The following DLGAP1 variants were observed in gnomAD, a reference collection of about 807,000 sequenced individuals.
DLGAP1 encodes disks large-associated protein 1.
Under a neutral mutation model 90.8 loss-of-function variants are expected in DLGAP1, and 11 were observed. The observed-to-expected ratio is 0.12, with a 90% CI of 0.08 to 0.20. The LOEUF is 0.20. Ranked by LOEUF, DLGAP1 falls within the 10% of genes least tolerant of loss-of-function variation. The probability of loss-of-function intolerance (pLI) is 1.00; values close to 1 mark genes in which losing one functional copy is unlikely to be tolerated. For missense variants in DLGAP1, 1,050 were observed against 1,333.8 expected, an observed-to-expected ratio of 0.79 and a Z score of 3.31; for synonymous variants, 558 against 540.7, an observed-to-expected ratio of 1.03 and a Z score of -0.44.
At chr18:3,684,241 G>A (rs552933325) in intron 7 of DLGAP1, among the ~76,000 whole-genome samples, 1 of 151,510 alleles carries the variant, frequency 6.6e-6, no homozygotes, top group Non-Finnish European at 1.5e-5. Context: ...CCAGGAGGGA[G>A]TGCAGTGGTG....
intron 4 of DLGAP1, 88 bp from the exon 5 acceptor site, chr18:3,814,361 A>ATTTT (rs372490602): frequency 1.0e-4 from 90 of 880,174 alleles, no homozygotes; most frequent in South Asian, 1.2e-4. Context: ...TAACATTTCT[A>ATTTT]TTTTTTTTTT....
intron 3 of DLGAP1, among the ~76,000 whole-genome samples, chr18:3,958,096 G>T (rs2073118563): frequency 1.3e-5 from 2 of 152,000 alleles, no homozygotes; most frequent in South Asian, 2.1e-4. Context: ...GTTTCACTAT[G>T]TTGGCCAGGC....
intron 6 of DLGAP1, among the ~76,000 whole-genome samples, chr18:3,740,859 C>T (rs372404073): frequency 0.022 from 3,305 of 149,450 alleles, 97 homozygotes; most frequent in African/African-American, 0.076. Flanking sequence ...ACCATCACGA[C>T]CACCACCGCC....
intron 3 of DLGAP1, among the ~76,000 whole-genome samples, chr18:3,901,924 C>G (rs2071792778): frequency 6.6e-6 from 1 of 152,166 alleles, no homozygotes. Flanking sequence ...CCGTGGTACT[C>G]TGAGATTTTT....
At chr18:4,029,813 C>A (rs1360870725) in intron 2 of DLGAP1, among the ~76,000 whole-genome samples, 2 of 152,114 alleles carry the variant, frequency 1.3e-5, no homozygotes, top group African/African-American at 4.8e-5. Flanking sequence ...GGGTTTTCCT[C>A]ATTTATCACC....
rs59045920 is a variant in DLGAP1, at chr18:4,136,865, T to C, written c.-159+14315A>G. Reference sequence around the variant, plus strand: ...AAGCTTTTCGCAGTAGCTTTATAGTTTGAGGTCTTATATTTCAGTTTTTAT... The same window carrying C: ...AAGCTTTTCGCAGTAGCTTTATAGTCTGAGGTCTTATATTTCAGTTTTTAT... On this transcript the variant is annotated intron_variant, in intron 2 of 12. Coordinates refer to ENST00000315677, the MANE Select transcript of DLGAP1 (RefSeq NM_004746.4). Among the ~76,000 whole-genome samples, 432 of 152,260 alleles carry C rather than the reference T, an allele frequency of 2.8e-3. 12 individuals carry two copies. In the East Asian group the frequency reaches 0.046, roughly 16 times the overall value.
chr18:4,166,355 A>C (rs2076933176), intron 1 of DLGAP1, among the ~76,000 whole-genome samples: 1 of 152,192 alleles, frequency 6.6e-6, no homozygotes, highest in Non-Finnish European at 1.5e-5. Flanking sequence ...GGCTGTTATA[A>C]AATATATATA....
At chr18:3,625,115 C>T (rs375475250) in intron 7 of DLGAP1, among the ~76,000 whole-genome samples, 2 of 152,234 alleles carry the variant, frequency 1.3e-5, no homozygotes, top group East Asian at 1.9e-4. Context: ...GATGGTCCCT[C>T]ATTCCTCTCT....
chr18:3,531,449 A>T (rs538276468), intron 10 of DLGAP1, among the ~76,000 whole-genome samples: 3 of 151,822 alleles, frequency 2.0e-5, no homozygotes, highest in Non-Finnish European at 2.9e-5. Context: ...TAAAAAAAAA[A>T]TTATTGTTTT....
At chr18:3,749,300 C>T (rs1598581977) in intron 5 of DLGAP1, among the ~76,000 whole-genome samples, 1 of 152,086 alleles carries the variant, frequency 6.6e-6, no homozygotes, top group African/African-American at 2.4e-5. Context: ...AGGCGGATGC[C>T]ACCACACCCA....
chr18:3,834,305 C>CAA (rs35630074), intron 4 of DLGAP1, among the ~76,000 whole-genome samples: 8,380 of 32,500 alleles, frequency 0.26, 1,184 homozygotes, highest in Non-Finnish European at 0.32. Flanking sequence ...GACTCTGTCT[C>CAA]AAAAAAAAAA....
intron 1 of DLGAP1, among the ~76,000 whole-genome samples, chr18:4,228,497 C>T (rs1247843022): frequency 6.6e-6 from 1 of 151,868 alleles, no homozygotes; most frequent in Non-Finnish European, 1.5e-5. Flanking sequence ...TCCATCACGG[C>T]CAAGTGAGAT....
At chr18:3,511,303 G>A (rs61442758) in intron 10 of DLGAP1, among the ~76,000 whole-genome samples, 4 of 73,924 alleles carry the variant, frequency 5.4e-5, no homozygotes, top group South Asian at 4.4e-4. Context: ...GTTTTGTTTT[G>A]TTTTATTTTT....
chr18:4,408,977 ACAAACAC>A (rs1567898949), intron 1 of DLGAP1, among the ~76,000 whole-genome samples: 4 of 5,134 alleles, frequency 7.8e-4, no homozygotes, highest in African/African-American at 1.8e-3. Context: ...ACACACACAC[ACAAACAC>A]ACACACACAC....
chr18:3,843,978 C>T (rs2068863205), intron 4 of DLGAP1, among the ~76,000 whole-genome samples: 1 of 152,108 alleles, frequency 6.6e-6, no homozygotes. Flanking sequence ...GTTTATACTT[C>T]TAGGAAAGAC....
chr18:3,708,613 T>G, intron 7 of DLGAP1: 1 of 436,044 alleles, frequency 2.3e-6, no homozygotes, highest in East Asian at 7.1e-5. Flanking sequence ...GATGGGCATC[T>G]GGACTTAAGT....
intron 5 of DLGAP1, chr18:3,770,157 C>T (rs1429216920): frequency 1.3e-5 from 2 of 152,112 alleles, no homozygotes; most frequent in Non-Finnish European, 2.9e-5. Context: ...GAGAAGAGCA[C>T]ACTTGAAGAA....
intron 7 of DLGAP1, among the ~76,000 whole-genome samples, chr18:3,644,091 T>G (rs2059035937): frequency 6.6e-6 from 1 of 152,214 alleles, no homozygotes; most frequent in African/African-American, 2.4e-5. Flanking sequence ...TTGTCACTTT[T>G]GGTTCAAGGT....
chr18:4,235,784 GGC>G (rs1358360198), intron 1 of DLGAP1, among the ~76,000 whole-genome samples: 5 of 136,306 alleles, frequency 3.7e-5, no homozygotes, highest in Admixed American at 8.0e-5. Context: ...GGAGTGCAGT[GGC>G]ATGATCTTGG....
Sources: allele counts gnomAD v4.1 joint callset (sites outside exome capture counted in the v4.1 genomes callset), GRCh38; gene constraint gnomAD v4.1.1; transcripts MANE v1.5; gene names NCBI Gene and HGNC (gene_info 2026-07-23, HGNC 2026-07-21).